The following DIAPH3 variants were observed in gnomAD, a reference collection of about 807,000 sequenced individuals.
The protein encoded by DIAPH3 is protein diaphanous homolog 3.
DIAPH3 carries 117 observed loss-of-function variants against 144.3 expected under a neutral mutation model. That is an observed-to-expected ratio of 0.81 (90% CI 0.70 to 0.95). The LOEUF is 0.95. Among genes scored for constraint, DIAPH3 ranks in the 40% least tolerant of loss-of-function variants. The pLI, the probability that DIAPH3 is intolerant of heterozygous loss-of-function variation, is 0.00. For missense variants in DIAPH3, 1,421 were observed against 1,412.7 expected, an observed-to-expected ratio of 1.01 and a Z score of -0.09; for synonymous variants, 519 against 488.9, an observed-to-expected ratio of 1.06 and a Z score of -0.81.
Position 60,124,845 on chromosome 13 carries a change from A to G in DIAPH3, c.213+8112T>C, listed in dbSNP as rs569112756. ...GCGAGACCCTGTCTCAAAAAAAAAA[A>G]GGGGAAAGAATGAGATATACTTCTA... On this transcript the variant is annotated intron_variant, in intron 2 of 27. Coordinates refer to ENST00000400324, the MANE Select transcript of DIAPH3 (RefSeq NM_001042517.2). 6.4e-4 allele frequency among the ~76,000 whole-genome samples: 97 copies of G among 151,928 alleles called. 1 individual carries two copies. The highest frequency in any genetic ancestry group is 2.0e-3 in the African/African-American group (83 of 41,464).
intron 27 of DIAPH3, among the ~76,000 whole-genome samples, chr13:59,752,230 C>T (rs141346138): frequency 1.3e-5 from 2 of 152,158 alleles, no homozygotes; most frequent in African/African-American, 4.8e-5. Context: ...ATAAGGAAAC[C>T]GAGGTGCAAA....
chr13:59,742,174 T>G (rs530846142), intron 27 of DIAPH3, among the ~76,000 whole-genome samples: 22 of 152,258 alleles, frequency 1.4e-4, no homozygotes, highest in Middle Eastern at 3.4e-3. Flanking sequence ...ACCCCCATGA[T>G]TTAATTATCT....
At chr13:59,940,956 T>C (rs1386354633) in intron 17 of DIAPH3, among the ~76,000 whole-genome samples, 1 of 152,212 alleles carries the variant, frequency 6.6e-6, no homozygotes, top group Non-Finnish European at 1.5e-5. Context: ...TAATTGGAGA[T>C]GATAACTGGA....
Position 59,991,292 on chromosome 13 carries a change from T to C in DIAPH3, c.1245-18A>G. 8 of 1,487,772 alleles carry C rather than the reference T, an allele frequency of 5.4e-6. No individual in the cohort carries two copies. Among genetic ancestry groups the C allele is most frequent in the African/African-American group, 1.4e-5 (1 of 72,340 alleles). The allele number at this position is 1,487,772 out of a possible 1,614,324, so 92.2% of individuals were successfully genotyped here. ...ATGCTTCAGTGAGTTGATTAAGGAA[T>C]ATATGGATTTATTTATACTCTACAC... On this transcript the variant is annotated intron_variant, in intron 11 of 27. Coordinates refer to ENST00000400324, the MANE Select transcript of DIAPH3 (RefSeq NM_001042517.2).
At chr13:59,902,542 G>A (rs146660670) in intron 20 of DIAPH3, among the ~76,000 whole-genome samples, 4,122 of 152,270 alleles carry the variant, frequency 0.027, 78 homozygotes, top group Non-Finnish European at 0.042. Flanking sequence ...GGGAGGCCAA[G>A]GCAGGCAGAT....
chr13:59,752,707 G>C (rs1331812699), intron 27 of DIAPH3, among the ~76,000 whole-genome samples: 1 of 152,042 alleles, frequency 6.6e-6, no homozygotes, highest in African/African-American at 2.4e-5. Context: ...TTTAAAACAA[G>C]GGTAAGTACA....
At chr13:59,916,387 C>T (rs2047225109) in intron 18 of DIAPH3, 138 bp from the exon 19 acceptor site, 1 of 702,388 alleles carries the variant, frequency 1.4e-6, no homozygotes, top group East Asian at 2.9e-5. Flanking sequence ...TTGGGGGAAA[C>T]ATATTATGGG....
chr13:59,872,077 A>G (rs1403950671), intron 21 of DIAPH3, among the ~76,000 whole-genome samples: 1 of 152,058 alleles, frequency 6.6e-6, no homozygotes, highest in East Asian at 1.9e-4. Context: ...AATTTCATTG[A>G]TATCTGCTCT....
In DIAPH3 at chr13:60,008,725, A is replaced by G; in HGVS notation, c.909-76T>C. The G allele has an allele frequency of 4.3e-6, 4 of 935,966 alleles. No homozygotes were observed. The Admixed American group carries it at 6.9e-5, about 16-fold the overall frequency. The allele number at this position is 935,966 out of a possible 1,614,324, so 58.0% of individuals were successfully genotyped here. On this transcript the variant is annotated intron_variant, in intron 8 of 27. Coordinates refer to ENST00000400324, the MANE Select transcript of DIAPH3 (RefSeq NM_001042517.2). ...ATAATACAATTGCTTTATCCTACTA[A>G]AGAAGTCAATACCCTAAGCAGCCAA...
intron 27 of DIAPH3, among the ~76,000 whole-genome samples, chr13:59,717,227 A>T (rs185854546): frequency 1.3e-3 from 201 of 152,352 alleles, no homozygotes; most frequent in Non-Finnish European, 1.9e-3. Flanking sequence ...AAATGTTAAG[A>T]ATTTATAAAA....
At chr13:60,163,431 A>G in intron 1 of DIAPH3, among the ~76,000 whole-genome samples, 156 bp downstream of exon 1, 1 of 152,236 alleles carries the variant, frequency 6.6e-6, no homozygotes, top group Non-Finnish European at 1.5e-5. Flanking sequence ...ACAGGATCCA[A>G]CTACAACTAG....
intron 4 of DIAPH3, among the ~76,000 whole-genome samples, chr13:60,086,931 G>A (rs1050335641): frequency 2.6e-5 from 4 of 152,096 alleles, no homozygotes; most frequent in Non-Finnish European, 5.9e-5. Context: ...ATGGGAGATT[G>A]GTTCCAGGAC....
At chr13:59,775,213 C>A (rs1227889329) in intron 25 of DIAPH3, among the ~76,000 whole-genome samples, 1 of 152,058 alleles carries the variant, frequency 6.6e-6, no homozygotes, top group African/African-American at 2.4e-5. Context: ...CTAAAGTCAA[C>A]CAGGTATGGG....
chr13:60,050,929 A>G (rs1462532863), intron 4 of DIAPH3, among the ~76,000 whole-genome samples: 1 of 152,152 alleles, frequency 6.6e-6, no homozygotes, highest in African/African-American at 2.4e-5. Flanking sequence ...TCAATATGAA[A>G]ATAAATTTTC....
intron 17 of DIAPH3, among the ~76,000 whole-genome samples, chr13:59,944,154 C>T (rs567073046): frequency 3.9e-5 from 6 of 151,980 alleles, no homozygotes; most frequent in South Asian, 2.1e-4. Context: ...TTCAAGGTTG[C>T]AGTGTGTGAT....
intron 20 of DIAPH3, among the ~76,000 whole-genome samples, chr13:59,905,057 G>A (rs1373114918): frequency 6.6e-6 from 1 of 151,976 alleles, no homozygotes; most frequent in African/African-American, 2.4e-5. Flanking sequence ...AAAAGTGTAA[G>A]TTTGGCCAGG....
At chr13:60,023,052 C>T (rs965555581) in intron 5 of DIAPH3, among the ~76,000 whole-genome samples, 6 of 151,944 alleles carry the variant, frequency 3.9e-5, no homozygotes, top group Non-Finnish European at 8.8e-5. Flanking sequence ...TAATTCAAGC[C>T]TCATTTTAAA....
At chr13:60,096,193 G>A (rs1471287733) in intron 3 of DIAPH3, among the ~76,000 whole-genome samples, 2 of 152,170 alleles carry the variant, frequency 1.3e-5, no homozygotes, top group South Asian at 2.1e-4. Flanking sequence ...TGAGAGCACT[G>A]GAAAATTCTG....
At position 59,767,487 on chromosome 13, in the gene DIAPH3, G is replaced by GT. The variant is rs35387510; in HGVS notation, c.3319+6701dup. On this transcript the variant is annotated intron_variant, in intron 27 of 27. Transcript: ENST00000400324. ...AGGAAACCAACATATCCTTTTACCA[G>GT]TTTTTTTTTTTAAGTCCAAACACAA... is the stretch of plus-strand genomic sequence containing the variant. Among the ~76,000 whole-genome samples, 1,088 of 146,216 alleles carry GT rather than the reference G, an allele frequency of 7.4e-3. 8 individuals are homozygous for GT. Among genetic ancestry groups the GT allele is most frequent in the African/African-American group, 0.02 (788 of 40,242 alleles).
Sources: allele counts gnomAD v4.1 joint callset (sites outside exome capture counted in the v4.1 genomes callset), GRCh38; gene constraint gnomAD v4.1.1; transcripts MANE v1.5; gene names NCBI Gene and HGNC (gene_info 2026-07-23, HGNC 2026-07-21).